The following SORL1 variants were observed in gnomAD, a reference collection of about 807,000 sequenced individuals.
The protein encoded by SORL1 is sortilin-related receptor.
Under a neutral mutation model 273.7 loss-of-function variants are expected in SORL1, and 127 were observed. That is an observed-to-expected ratio of 0.46 (90% confidence interval 0.40 to 0.54). SORL1 has a LOEUF of 0.54. Among genes scored for constraint, SORL1 ranks in the 20% least tolerant of loss-of-function variants. The probability of loss-of-function intolerance (pLI) is 0.00; values close to 1 mark genes in which losing one functional copy is unlikely to be tolerated. For synonymous variants in SORL1, 1,031 were observed against 1,067.4 expected (o/e 0.97, Z 0.66); for missense variants, 2,494 against 2,846.1 (o/e 0.88, Z 2.81).
At chr11:121,620,986 A>C in intron 43 of SORL1, 78 bp from the exon 44 acceptor site, 10 of 1,054,038 alleles carry the variant, frequency 9.5e-6, no homozygotes, top group Non-Finnish European at 1.3e-5. Context: ...AATATACTAC[A>C]TTGTCCACCA....
chr11:121,590,840 A>T (rs1204033945), intron 30 of SORL1, 161 bp from the exon 31 acceptor site: 1 of 805,968 alleles, frequency 1.2e-6, no homozygotes, highest in South Asian at 1.3e-5. Flanking sequence ...CCCATTATAC[A>T]TGATTTCTAG....
chr11:121,563,719 T>C lies in SORL1; in HGVS notation c.3050-3221T>C, dbSNP rs11218342. ...GCCACTAGCTGGTTTTTAAATGGTA[T>C]AACTGGAATTTATTCTTTGTAAAGT... On this transcript the variant is annotated intron_variant, in intron 21 of 47. Coordinates refer to ENST00000260197, the MANE Select transcript of SORL1 (RefSeq NM_003105.6). The surrounding 1 kb of genome is among the most constrained non-coding windows in gnomAD (Gnocchi z 4.2). Among the ~76,000 whole-genome samples the C allele has an allele frequency of 0.032, 4,930 of 152,326 alleles. 128 individuals are homozygous for C. Among genetic ancestry groups the C allele is most frequent in the East Asian group, 0.076 (394 of 5,190 alleles).
intron 26 of SORL1, among the ~76,000 whole-genome samples, chr11:121,585,253 G>A (rs1863077395): frequency 2.0e-5 from 3 of 152,140 alleles, no homozygotes; most frequent in Non-Finnish European, 4.4e-5. Context: ...GGAGGCTGAG[G>A]CGGGAGGATG....
At chr11:121,544,251 T>C (rs976867897) in intron 13 of SORL1, among the ~76,000 whole-genome samples, 2 of 152,168 alleles carry the variant, frequency 1.3e-5, no homozygotes, top group Non-Finnish European at 2.9e-5. Context: ...TTGGCTAACC[T>C]GATTCTAGCT....
chr11:121,543,059 C>T (rs1304578207), intron 12 of SORL1, among the ~76,000 whole-genome samples: 4 of 150,510 alleles, frequency 2.7e-5, no homozygotes, highest in Middle Eastern at 3.4e-3. Flanking sequence ...GGTGTGGTGG[C>T]GGGCACCTAT....
intron 14 of SORL1, 127 bp downstream of exon 14, chr11:121,545,556 G>A (rs1276133516): frequency 1.2e-6 from 1 of 862,058 alleles, no homozygotes; most frequent in Non-Finnish European, 1.8e-6. Flanking sequence ...AAGTATTTGT[G>A]AAGCATCTTT....
chr11:121,535,202 A>G (rs938371590), intron 12 of SORL1, among the ~76,000 whole-genome samples: 1 of 152,122 alleles, frequency 6.6e-6, no homozygotes, highest in Admixed American at 6.5e-5. Context: ...CAACCCCTAG[A>G]GCACAGATGT....
chr11:121,542,284 A>G (rs1012047117), intron 12 of SORL1, among the ~76,000 whole-genome samples: 2 of 152,226 alleles, frequency 1.3e-5, no homozygotes, highest in Non-Finnish European at 2.9e-5. Context: ...CAAATTATTT[A>G]TGGCCACTTT....
In SORL1 at chr11:121,453,921, T is replaced by A. The variant is rs150297853; in HGVS notation, c.285+1305T>A. ...CCTCCTTTCTAAAATAAAATAGATCTGGTATAAAGGGGGAAAGGATGGTGG... is the reference window on the plus strand; with the variant it reads ...CCTCCTTTCTAAAATAAAATAGATCAGGTATAAAGGGGGAAAGGATGGTGG... On this transcript the variant is annotated intron_variant, in intron 1 of 47. Coordinates refer to ENST00000260197, the MANE Select transcript of SORL1 (RefSeq NM_003105.6). Among the ~76,000 whole-genome samples the A allele has an allele frequency of 3.8e-3, 582 of 152,300 alleles. 5 individuals are homozygous for A. Among genetic ancestry groups the A allele is most frequent in the Middle Eastern group, 0.024 (7 of 294 alleles).
chr11:121,525,575 T>A (rs2134862766), intron 11 of SORL1, among the ~76,000 whole-genome samples: 1 of 152,378 alleles, frequency 6.6e-6, no homozygotes, highest in East Asian at 1.9e-4. Context: ...TTGCTTCACA[T>A]CTTTGCCAAC....
intron 14 of SORL1, among the ~76,000 whole-genome samples, chr11:121,548,857 A>G (rs910509741): frequency 6.6e-6 from 1 of 152,190 alleles, no homozygotes; most frequent in Non-Finnish European, 1.5e-5. Flanking sequence ...GTGAGCTACC[A>G]TGCCGGACCT....
chr11:121,497,167 G>A (rs778976803), intron 6 of SORL1, 118 bp downstream of exon 6: 2 of 836,544 alleles, frequency 2.4e-6, no homozygotes, highest in Non-Finnish European at 3.7e-6. Flanking sequence ...GCTTGGGACA[G>A]ATTGACTGAA....
rs187240938 is a variant in SORL1 at position 121,551,548 on chromosome 11, T to C, written c.2266+878T>C. On this transcript the variant is annotated intron_variant, in intron 16 of 47. Coordinates refer to ENST00000260197, the MANE Select transcript of SORL1 (RefSeq NM_003105.6). ...TTCCAGTTCTTATTCATTTAAAGCT[T>C]CTTTATTCCCTCTGTGCCCTCTTTC... Among the ~76,000 whole-genome samples, 302 of 152,340 alleles carry C rather than the reference T, an allele frequency of 2.0e-3. 1 individual carries two copies. The highest frequency in any genetic ancestry group is 6.8e-3 in the African/African-American group (281 of 41,576).
At chr11:121,497,136 A>G (rs1861644092) in intron 6 of SORL1, 87 bp downstream of exon 6, 1 of 1,127,184 alleles carries the variant, frequency 8.9e-7, no homozygotes. Flanking sequence ...GAGTTTGCAT[A>G]CACAGGAATT....
At chr11:121,456,272 G>A (rs905297346) in intron 1 of SORL1, among the ~76,000 whole-genome samples, 8 of 152,168 alleles carry the variant, frequency 5.3e-5, no homozygotes, top group South Asian at 2.1e-4. Context: ...GAGCTTGGAG[G>A]CAGCACTTAC....
chr11:121,612,622 G>C, intron 39 of SORL1, 114 bp from the exon 40 acceptor site: 1 of 747,522 alleles, frequency 1.3e-6, no homozygotes, highest in Middle Eastern at 2.4e-4. Context: ...TTCACTGTAA[G>C]AATGAGATAC....
At position 121,550,948 on chromosome 11, in the gene SORL1, T is replaced by C. The variant is rs887161247; in HGVS notation, c.2266+278T>C. ...TGAAAAATATTTATTCAGCATCCAC[T>C]GGGGTAGAAAGATCCCCACAGGCTT... On this transcript the variant is annotated intron_variant, in intron 16 of 47. Coordinates refer to ENST00000260197, the MANE Select transcript of SORL1 (RefSeq NM_003105.6). This position sits in a 1 kb window ranked among gnomAD's most constrained non-coding sequence, Gnocchi z 5.3. 6.6e-6 allele frequency among the ~76,000 whole-genome samples: 1 copy of C among 152,224 alleles called. No individual in the cohort carries two copies. The highest frequency in any genetic ancestry group is 1.5e-5 in the Non-Finnish European group (1 of 68,030).
chr11:121,474,787 A>G (rs1591550195), intron 2 of SORL1, among the ~76,000 whole-genome samples: 2 of 152,218 alleles, frequency 1.3e-5, no homozygotes, highest in East Asian at 3.8e-4. Flanking sequence ...TGAAGAAAAG[A>G]CAGCTAGAAA....
At chr11:121,604,362 G>A (rs761387547) in intron 33 of SORL1, 38 bp downstream of exon 33, 1 of 1,605,556 alleles carries the variant, frequency 6.2e-7, no homozygotes, top group African/African-American at 1.3e-5. Context: ...GGCTGGGCTG[G>A]GCTGGGAGGC....
Sources: gnomAD v4.1 joint callset for allele counts (sites outside exome capture counted in the v4.1 genomes callset) on GRCh38, gnomAD v4.1.1 for gene constraint, Gnocchi (gnomAD v3.1) non-coding constraint, MANE v1.5 for transcripts, NCBI Gene and HGNC (gene_info 2026-07-23, HGNC 2026-07-21) for gene names.